Variants in VANGL1 observed in about 807,000 individuals in gnomAD.
The protein encoded by VANGL1 is VANGL planar cell polarity protein 1.
A neutral mutation model predicts 48.4 loss-of-function variants in VANGL1; 18 were observed. The ratio of observed to expected loss-of-function variants is 0.37; its 90% CI spans 0.26 to 0.55. The LOEUF is 0.55. Among genes scored for constraint, VANGL1 ranks in the 20% least tolerant of loss-of-function variants. The pLI, the probability that VANGL1 is intolerant of heterozygous loss-of-function variation, is 0.81. For synonymous variants in VANGL1, 257 were observed against 261.8 expected, an observed-to-expected ratio of 0.98 and a Z score of 0.18; for missense variants, 667 against 675.8, an observed-to-expected ratio of 0.99 and a Z score of 0.14.
chr1:115,691,201 T>G lies in VANGL1; in HGVS notation c.1397T>G (p.Val466Gly), dbSNP rs1231190835. Residue 466 changes from valine to glycine, a missense_variant, in exon 8 of 8, where the codon GTC (valine) becomes GGC (glycine). By Grantham distance (109) the Val-to-Gly change is moderately radical. Coordinates refer to ENST00000355485, the MANE Select transcript of VANGL1 (RefSeq NM_138959.3). ...TGGCTCTCTACACAGTGGAGGCTTGTCAGTGATGAGGCTGTGACTAATGGA... is the reference window on the plus strand; with the variant it reads ...TGGCTCTCTACACAGTGGAGGCTTGGCAGTGATGAGGCTGTGACTAATGGA... ...DRWLSTQWRLVSDEAVTNGLR... is the reference protein window; with the variant it reads ...DRWLSTQWRLGSDEAVTNGLR... 2.5e-6 allele frequency: 4 copies of G among 1,613,928 alleles called. No individual in the cohort carries two copies. The highest frequency in any genetic ancestry group is 2.5e-6 in the Non-Finnish European group (3 of 1,179,836).
At position 115,663,906 on chromosome 1, in the gene VANGL1, G is replaced by A; in HGVS notation, c.450G>A (p.Glu150=). The A allele has an allele frequency of 6.2e-7, 1 of 1,614,230 alleles. No homozygotes were observed. Among genetic ancestry groups the A allele is most frequent in the Non-Finnish European group, 8.5e-7 (1 of 1,180,046 alleles). Residue 150 remains glutamate (E), a synonymous_variant, in exon 4 of 8, where the codon GAG becomes GAA. Transcript: ENST00000355485. ...TGGAGCCTTGTGGCACAATTTGTGA[G>A]GGGCTCTTTATCTCCATGGCATTCA... is the stretch of plus-strand genomic sequence containing the variant. ...DELEPCGTIC[E]GLFISMAFKL...
chr1:115,653,756 G>A (rs1652240492), intron 2 of VANGL1, among the ~76,000 whole-genome samples: 1 of 152,092 alleles, frequency 6.6e-6, no homozygotes, highest in Non-Finnish European at 1.5e-5. Context: ...TGCATTCTTG[G>A]ACCCATATAG....
intron 1 of VANGL1, among the ~76,000 whole-genome samples, chr1:115,647,840 A>T (rs947417113): frequency 5.3e-5 from 8 of 152,190 alleles, no homozygotes; most frequent in Admixed American, 3.9e-4. Flanking sequence ...TATGAGAGGG[A>T]TGATGGTATT....
At chr1:115,650,246 T>C (rs1038303455) in intron 1 of VANGL1, among the ~76,000 whole-genome samples, 9 of 152,114 alleles carry the variant, frequency 5.9e-5, no homozygotes, top group African/African-American at 1.7e-4. Flanking sequence ...CTGGCTGTGT[T>C]TGCAGTTTCA....
intron 2 of VANGL1, among the ~76,000 whole-genome samples, chr1:115,653,691 G>C (rs576684881): frequency 6.6e-6 from 1 of 152,288 alleles, no homozygotes; most frequent in South Asian, 2.1e-4. Flanking sequence ...CAATGCCCTT[G>C]TAGTAACTTT....
chr1:115,665,290 A>G (rs1019271501), intron 4 of VANGL1, among the ~76,000 whole-genome samples: 10 of 152,214 alleles, frequency 6.6e-5, no homozygotes, highest in South Asian at 6.2e-4. Context: ...AGAGCCTGGG[A>G]CATTTGACTT....
At chr1:115,650,328 C>T (rs768681266) in intron 1 of VANGL1, among the ~76,000 whole-genome samples, 41 of 152,122 alleles carry the variant, frequency 2.7e-4, no homozygotes, top group Admixed American at 3.9e-4. Flanking sequence ...CAGAAAGAGA[C>T]AGAACTTGTG....
At chr1:115,650,367 T>C (rs1318771034) in intron 1 of VANGL1, among the ~76,000 whole-genome samples, 1 of 148,832 alleles carries the variant, frequency 6.7e-6, no homozygotes, top group Non-Finnish European at 1.5e-5. Context: ...GTAAAAATTT[T>C]AGCATGTGGG....
chr1:115,660,333 T>C (rs1652499519), intron 3 of VANGL1, among the ~76,000 whole-genome samples: 1 of 152,188 alleles, frequency 6.6e-6, no homozygotes, highest in African/African-American at 2.4e-5. Context: ...TGAAGGAGCC[T>C]ATGGCTAACT....
In VANGL1 at chr1:115,684,038, G is replaced by A. The variant is rs149279018; in HGVS notation, c.1041G>A (p.Glu347=). The change falls in exon 6 of 8, where the codon GAG becomes GAA. Residue 347 remains glutamate (E), a synonymous_variant. Coordinates refer to ENST00000355485, the MANE Select transcript of VANGL1 (RefSeq NM_138959.3). ...DSSHNELYYE[E]AEHERRVKKR... ...GCCACAACGAGTTGTATTATGAAGA[G>A]GCCGAACATGAACGGCGAGTAAAGA... The A allele has an allele frequency of 5.2e-5, 84 of 1,613,970 alleles. No homozygotes were observed. The highest frequency in any genetic ancestry group is 6.7e-5 in the Non-Finnish European group (79 of 1,179,992).
chr1:115,664,490 T>C (rs12752458), intron 4 of VANGL1, among the ~76,000 whole-genome samples: 19,310 of 152,108 alleles, frequency 0.13, 1,303 homozygotes, highest in South Asian at 0.18. Context: ...TCACCCAGGT[T>C]GAGATTTTGC....
intron 4 of VANGL1, among the ~76,000 whole-genome samples, chr1:115,667,323 G>C (rs1217222627): frequency 1.3e-5 from 2 of 152,208 alleles, no homozygotes; most frequent in Non-Finnish European, 2.9e-5. Flanking sequence ...CTGTGGCCCT[G>C]CTTGTTGGCA....
intron 4 of VANGL1, among the ~76,000 whole-genome samples, chr1:115,665,515 G>T (rs1255578173): frequency 6.6e-6 from 1 of 152,184 alleles, no homozygotes; most frequent in Non-Finnish European, 1.5e-5. Context: ...CAGGAAGGTG[G>T]CTCAGCCTGT....
At chr1:115,670,164 C>A (rs1288982318) in intron 4 of VANGL1, among the ~76,000 whole-genome samples, 2 of 152,198 alleles carry the variant, frequency 1.3e-5, no homozygotes, top group East Asian at 1.9e-4. Flanking sequence ...AGGTGGCCAT[C>A]TGTAAGCCCA....
At chr1:115,685,215 GGGT>G (rs1653551213) in intron 6 of VANGL1, 75 bp from the exon 7 acceptor site, 1 of 1,524,542 alleles carries the variant, frequency 6.6e-7, no homozygotes, top group African/African-American at 1.4e-5. Context: ...GGCCGCAGCA[GGGT>G]AGACAAGCGT....
intron 7 of VANGL1, among the ~76,000 whole-genome samples, chr1:115,690,657 C>G (rs540894518): frequency 2.6e-5 from 4 of 152,222 alleles, no homozygotes; most frequent in Non-Finnish European, 5.9e-5. Flanking sequence ...GTAGCGCATG[C>G]GTTCTTATTC....
Position 115,686,078 on chromosome 1 carries a change from C to T in VANGL1, c.1314+551C>T, listed in dbSNP as rs1653605216. Among the ~76,000 whole-genome samples the T allele has an allele frequency of 2.6e-5, 4 of 152,112 alleles. No individual in the cohort carries two copies. In the South Asian group the frequency reaches 6.3e-4, roughly 24 times the overall value. Reference sequence around the variant, plus strand: ...ACATGCCAAGCTCATCTACTCTCTACCATGCGATTTACATGCCTTGTTGCC... The same window carrying T: ...ACATGCCAAGCTCATCTACTCTCTATCATGCGATTTACATGCCTTGTTGCC... On this transcript the variant is annotated intron_variant, in intron 7 of 7. Transcript: ENST00000355485.
chr1:115,684,298 C>T (rs891955614), intron 6 of VANGL1, among the ~76,000 whole-genome samples: 9 of 151,916 alleles, frequency 5.9e-5, no homozygotes, highest in African/African-American at 1.7e-4. Flanking sequence ...ACCACCACGC[C>T]CGGCTAATAT....
intron 4 of VANGL1, among the ~76,000 whole-genome samples, chr1:115,670,449 T>G (rs1652936937): frequency 6.6e-6 from 1 of 152,206 alleles, no homozygotes; most frequent in Admixed American, 6.5e-5. Flanking sequence ...TGGATTGCAC[T>G]TTGATTTTCT....
Sources: allele counts gnomAD v4.1 joint callset (sites outside exome capture counted in the v4.1 genomes callset), GRCh38; gene constraint gnomAD v4.1.1; transcripts MANE v1.5; gene names NCBI Gene and HGNC (gene_info 2026-07-23, HGNC 2026-07-21).